The following CMIP variants were observed in gnomAD, a reference collection of about 807,000 sequenced individuals.
CMIP encodes the protein c-Maf inducing protein, also known as C-Maf-inducing protein.
CMIP carries 13 observed loss-of-function variants against 97.3 expected under a neutral mutation model. The ratio of observed to expected loss-of-function variants is 0.13; its 90% CI spans 0.09 to 0.21. The LOEUF is 0.21. CMIP is among the 10% of genes least tolerant of loss of function. CMIP has a pLI of 1.00. For synonymous variants in CMIP, 538 were observed against 436.3 expected (o/e 1.23, Z -2.91); for missense variants, 847 against 1,024.9 (o/e 0.83, Z 2.37).
chr16:81,570,534 G>T (rs909200984), intron 1 of CMIP, among the ~76,000 whole-genome samples: 1 of 152,148 alleles, frequency 6.6e-6, no homozygotes, highest in Non-Finnish European at 1.5e-5. Context: ...TGAAGAAGCC[G>T]AGGTGGAAAC....
At chr16:81,504,641 C>CAAAAAAAAAAAAAA (rs149715666) in intron 1 of CMIP, among the ~76,000 whole-genome samples, 5 of 71,976 alleles carry the variant, frequency 6.9e-5, no homozygotes, top group African/African-American at 2.0e-4. Flanking sequence ...AGACTCGTCT[C>CAAAAAAAAAAAAAA]AAAAAAAAAA....
chr16:81,596,994 C>T (rs1466109412), intron 1 of CMIP, among the ~76,000 whole-genome samples: 1 of 152,222 alleles, frequency 6.6e-6, no homozygotes, highest in Non-Finnish European at 1.5e-5. Context: ...GTAGACCATA[C>T]ATTCTCATCA....
chr16:81,679,810 G>A (rs2151059292), intron 10 of CMIP, among the ~76,000 whole-genome samples: 1 of 152,230 alleles, frequency 6.6e-6, no homozygotes, highest in Admixed American at 6.5e-5. Context: ...CGCTCCACCT[G>A]ACACATCTCA....
At chr16:81,651,876 G>T (rs998000084) in intron 3 of CMIP, among the ~76,000 whole-genome samples, 7 of 151,984 alleles carry the variant, frequency 4.6e-5, no homozygotes, top group Non-Finnish European at 8.8e-5. Context: ...TGTGTACCTC[G>T]GTTTCTTCAT....
intron 15 of CMIP, 115 bp downstream of exon 15, chr16:81,699,916 A>C (rs1907203988): frequency 2.9e-6 from 2 of 679,576 alleles, no homozygotes; most frequent in Non-Finnish European, 5.2e-6. Context: ...GCAGTGGGTG[A>C]GGCGTGCAGT....
chr16:81,599,756 C>T (rs181355058), intron 1 of CMIP, among the ~76,000 whole-genome samples: 1 of 152,300 alleles, frequency 6.6e-6, no homozygotes, highest in African/African-American at 2.4e-5. Context: ...CTGCTCTGTG[C>T]CTCAGTTTCT....
chr16:81,569,465 G>T (rs1372962094), intron 1 of CMIP, among the ~76,000 whole-genome samples: 1 of 152,166 alleles, frequency 6.6e-6, no homozygotes. Flanking sequence ...CATGGCACTG[G>T]CTGGGCCTCA....
intron 1 of CMIP, among the ~76,000 whole-genome samples, chr16:81,560,040 C>T (rs1240263179): frequency 6.6e-6 from 1 of 151,254 alleles, no homozygotes; most frequent in Non-Finnish European, 1.5e-5. Context: ...CCCAGCTACT[C>T]AGGAGCCTGA....
At chr16:81,465,259 A>G (rs1297246166) in intron 1 of CMIP, among the ~76,000 whole-genome samples, 2 of 152,148 alleles carry the variant, frequency 1.3e-5, no homozygotes, top group East Asian at 3.9e-4. Flanking sequence ...CGTTTTTTCC[A>G]TCCATACTTG....
chr16:81,707,872 T>C (rs1368429826), intron 20 of CMIP, among the ~76,000 whole-genome samples: 1 of 152,162 alleles, frequency 6.6e-6, no homozygotes, highest in African/African-American at 2.4e-5. Flanking sequence ...AAGGCACAGA[T>C]GGCACCCGTG....
At position 81,616,211 on chromosome 16, in the gene CMIP, G is replaced by A. The variant is rs894855211; in HGVS notation, c.427-4665G>A. 1.4e-5 allele frequency among the ~76,000 whole-genome samples: 2 copies of A among 148,118 alleles called. No individual in the cohort carries two copies. Among genetic ancestry groups the A allele is most frequent in the Non-Finnish European group, 3.0e-5 (2 of 67,522 alleles). On this transcript the variant is annotated intron_variant, in intron 2 of 20. Transcript: ENST00000537098. The surrounding 1 kb of genome is among the most constrained non-coding windows in gnomAD (Gnocchi z 4.7). Reference sequence around the variant, plus strand: ...CTGGAGCAGTCGCAGTTAATCCTACGTGGATCCTGCCTCCTCTCCCAATCC... The same window carrying A: ...CTGGAGCAGTCGCAGTTAATCCTACATGGATCCTGCCTCCTCTCCCAATCC...
At chr16:81,475,149 C>T (rs946488834) in intron 1 of CMIP, among the ~76,000 whole-genome samples, 1 of 152,030 alleles carries the variant, frequency 6.6e-6, no homozygotes, top group African/African-American at 2.4e-5. Context: ...CCTCCCTTCT[C>T]TCCCTCCCTC....
chr16:81,678,151 G>A (rs1810791028), intron 9 of CMIP, 124 bp from the exon 10 acceptor site: 1 of 700,566 alleles, frequency 1.4e-6, no homozygotes, highest in East Asian at 2.7e-5. Flanking sequence ...TTGTAGCACA[G>A]GAATGATGAT....
intron 1 of CMIP, among the ~76,000 whole-genome samples, chr16:81,552,327 C>G (rs1199461981): frequency 6.6e-6 from 1 of 152,160 alleles, no homozygotes; most frequent in Non-Finnish European, 1.5e-5. Flanking sequence ...TTCCTGTGGC[C>G]TCTGTGACAT....
Position 81,559,725 on chromosome 16 carries a change from A to G in CMIP, c.301-47842A>G, listed in dbSNP as rs554537502. Among the ~76,000 whole-genome samples the G allele has an allele frequency of 2.6e-5, 4 of 152,328 alleles. No individual in the cohort carries two copies. In the East Asian group the frequency reaches 7.7e-4, roughly 29 times the overall value. ...AGTGCATAAGACTTGATGGTAAACA[A>G]CTAAGTTACTGGCTTGTGCATTCGC... On this transcript the variant is annotated intron_variant, in intron 1 of 20. Transcript: ENST00000537098.
At chr16:81,511,280 A>T (rs192912740) in intron 1 of CMIP, among the ~76,000 whole-genome samples, 1 of 152,344 alleles carries the variant, frequency 6.6e-6, no homozygotes, top group South Asian at 2.1e-4. Flanking sequence ...TACCATCCTC[A>T]TGCCTAAGAA....
intron 1 of CMIP, among the ~76,000 whole-genome samples, chr16:81,605,384 C>G (rs1363031625): frequency 6.6e-6 from 1 of 152,140 alleles, no homozygotes; most frequent in Non-Finnish European, 1.5e-5. Flanking sequence ...TTGTGGGGTC[C>G]AGGCAGCCTT....
chr16:81,704,078 C>T lies in CMIP; in HGVS notation c.2084C>T (p.Ser695Phe). ...LPSLKQLNLW[S>F]TQFGDAGLRL... ...TCGCTCAAGCAGCTGAACCTGTGGT[C>T]CACTCAGGTACGTCCTCCCGCCCTG... Residue 695 changes from serine (S) to phenylalanine (F), a missense_variant, in exon 18 of 21, where the codon TCC becomes TTC. By Grantham distance (155) the Ser-to-Phe change is radical (BLOSUM62 -2). Coordinates refer to ENST00000537098, the MANE Select transcript of CMIP (RefSeq NM_198390.3). The T allele has an allele frequency of 6.2e-7, 1 of 1,604,114 alleles. No individual in the cohort carries two copies. The highest frequency in any genetic ancestry group is 8.5e-7 in the Non-Finnish European group (1 of 1,176,234).
chr16:81,678,218 A>C, intron 9 of CMIP, 57 bp from the exon 10 acceptor site: 1 of 1,338,298 alleles, frequency 7.5e-7, no homozygotes, highest in Non-Finnish European at 1.0e-6. Flanking sequence ...CTGATGGGTC[A>C]TGGTGCATCA....
Sources: allele counts gnomAD v4.1 joint callset (sites outside exome capture counted in the v4.1 genomes callset), GRCh38; gene constraint gnomAD v4.1.1; non-coding constraint Gnocchi (gnomAD v3.1); transcripts MANE v1.5; gene names NCBI Gene and HGNC (gene_info 2026-07-23, HGNC 2026-07-21).